The following FHIT variants were observed in gnomAD, a reference collection of about 807,000 sequenced individuals.
FHIT encodes the protein bis(5'-adenosyl)-triphosphatase.
FHIT carries 19 observed loss-of-function variants against 17.9 expected under a neutral mutation model. The observed-to-expected ratio is 1.06, with a 90% CI of 0.74 to 1.56. The LOEUF (loss-of-function observed/expected upper bound fraction) is 1.56. FHIT is among the 40% of genes most tolerant of loss of function. The probability of loss-of-function intolerance (pLI) is 0.00; values close to 1 mark genes in which losing one functional copy is unlikely to be tolerated. For synonymous variants in FHIT, 81 were observed against 69.7 expected (o/e 1.16, Z -0.81); for missense variants, 248 against 189.2 (o/e 1.31, Z -1.82).
chr3:61,069,822 G>T (rs976908646), intron 2 of FHIT, among the ~76,000 whole-genome samples: 1 of 152,188 alleles, frequency 6.6e-6, no homozygotes, highest in Non-Finnish European at 1.5e-5. Flanking sequence ...AAGATTGCAG[G>T]AGAATCAAGC....
chr3:59,927,463 T>TAAAAAA lies in FHIT; in HGVS notation c.280-5055_280-5050dup, dbSNP rs58083993. Among the ~76,000 whole-genome samples, 771 of 130,210 alleles carry TAAAAAA rather than the reference T, an allele frequency of 5.9e-3. 9 individuals carry two copies. The highest frequency in any genetic ancestry group is 0.015 in the South Asian group (62 of 4,190). 85.4% of individuals were successfully genotyped at this position (130,210 alleles called of 152,430 possible). ...ATTATATCTCAATAAAGCTATTACT[T>TAAAAAA]AAAAAAAAAAAAAAAAACTGAAGGC... is the stretch of plus-strand genomic sequence containing the variant. On this transcript the variant is annotated intron_variant, in intron 7 of 9. Coordinates refer to ENST00000492590, the MANE Select transcript of FHIT (RefSeq NM_002012.4).
intron 8 of FHIT, among the ~76,000 whole-genome samples, chr3:59,765,875 T>C (rs1381068856): frequency 6.6e-6 from 1 of 152,178 alleles, no homozygotes; most frequent in Non-Finnish European, 1.5e-5. Flanking sequence ...GTTCACATAA[T>C]TAAATACCAT....
At chr3:60,348,268 G>A (rs973523688) in intron 5 of FHIT, among the ~76,000 whole-genome samples, 2 of 152,166 alleles carry the variant, frequency 1.3e-5, no homozygotes, top group Non-Finnish European at 2.9e-5. Context: ...AGATTAGGTT[G>A]TTAATTATTG....
chr3:60,226,487 A>AAAAAAAAAAAAC (rs1559742962), intron 5 of FHIT, among the ~76,000 whole-genome samples: 15 of 150,696 alleles, frequency 1.0e-4, no homozygotes, highest in African/African-American at 3.5e-4. Context: ...AAAAAAAAAA[A>AAAAAAAAAAAAC]AAAAAAACAC....
At chr3:59,871,092 T>C (rs1447200965) in intron 8 of FHIT, among the ~76,000 whole-genome samples, 1 of 152,198 alleles carries the variant, frequency 6.6e-6, no homozygotes, top group Non-Finnish European at 1.5e-5. Context: ...TATCCAAGAC[T>C]GACAACTTGC....
At chr3:60,765,262 T>C (rs1699811050) in intron 4 of FHIT, among the ~76,000 whole-genome samples, 2 of 152,328 alleles carry the variant, frequency 1.3e-5, no homozygotes, top group South Asian at 4.1e-4. Context: ...CAAGTGTCTT[T>C]CTACTACATT....
intron 5 of FHIT, among the ~76,000 whole-genome samples, chr3:60,503,584 G>C (rs2034608638): frequency 6.6e-6 from 1 of 152,044 alleles, no homozygotes; most frequent in South Asian, 2.1e-4. Context: ...AATAGTGAAA[G>C]TTATGAAACA....
intron 5 of FHIT, among the ~76,000 whole-genome samples, chr3:60,068,178 T>C (rs1027898421): frequency 6.6e-6 from 1 of 152,116 alleles, no homozygotes; most frequent in Non-Finnish European, 1.5e-5. Flanking sequence ...GAGGTTGCAG[T>C]GAGCTGAGAT....
At chr3:60,210,349 G>A (rs1703391615) in intron 5 of FHIT, among the ~76,000 whole-genome samples, 1 of 151,868 alleles carries the variant, frequency 6.6e-6, no homozygotes, top group Non-Finnish European at 1.5e-5. Context: ...TTAAGGACTA[G>A]AAAAAAACAT....
At chr3:61,014,451 C>T (rs1372621379) in intron 3 of FHIT, among the ~76,000 whole-genome samples, 2 of 151,902 alleles carry the variant, frequency 1.3e-5, no homozygotes, top group Non-Finnish European at 2.9e-5. Context: ...TCTGTATTTT[C>T]ATGACTTCAC....
chr3:59,959,336 T>C (rs1345030180), intron 7 of FHIT, among the ~76,000 whole-genome samples: 1 of 152,234 alleles, frequency 6.6e-6, no homozygotes, highest in African/African-American at 2.4e-5. Context: ...GTGTTTCATT[T>C]AACCCCTTCC....
intron 3 of FHIT, among the ~76,000 whole-genome samples, chr3:60,834,370 C>G (rs936239960): frequency 1.3e-5 from 2 of 152,132 alleles, no homozygotes; most frequent in African/African-American, 4.8e-5. Flanking sequence ...TGTTGAACAT[C>G]TTTTCATGTG....
intron 8 of FHIT, among the ~76,000 whole-genome samples, chr3:59,783,384 G>A (rs1409667464): frequency 3.3e-5 from 5 of 152,110 alleles, no homozygotes; most frequent in Admixed American, 6.5e-5. Context: ...CAGGAGAATC[G>A]CTTGAACTCC....
Position 59,826,102 on chromosome 3 carries a change from C to G in FHIT, c.349-73781G>C, listed in dbSNP as rs558493427. Among the ~76,000 whole-genome samples, 18 of 152,148 alleles carry G rather than the reference C, an allele frequency of 1.2e-4. No individual in the cohort carries two copies. The East Asian group carries it at 2.1e-3, about 18-fold the overall frequency. ...AGTATGGTTCCCTATCTGCATTATT[C>G]TCTCCTACTCTGATCATCTTATTTA... On this transcript the variant is annotated intron_variant, in intron 8 of 9. Transcript: ENST00000492590.
At chr3:59,972,075 A>G (rs986247394) in intron 7 of FHIT, among the ~76,000 whole-genome samples, 1 of 152,112 alleles carries the variant, frequency 6.6e-6, no homozygotes, top group Non-Finnish European at 1.5e-5. Context: ...AGAACTACAC[A>G]TATGAGATGC....
At chr3:60,091,884 T>C (rs1041075591) in intron 5 of FHIT, among the ~76,000 whole-genome samples, 12 of 152,114 alleles carry the variant, frequency 7.9e-5, no homozygotes, top group African/African-American at 1.2e-4. Context: ...CATACAGAAC[T>C]GTGAGCCAAT....
intron 5 of FHIT, among the ~76,000 whole-genome samples, chr3:60,389,812 G>A (rs1701151443): frequency 6.6e-6 from 1 of 152,066 alleles, no homozygotes; most frequent in Non-Finnish European, 1.5e-5. Context: ...AACATTTTGT[G>A]TTTGACTAAC....
intron 5 of FHIT, among the ~76,000 whole-genome samples, chr3:60,189,093 C>T (rs1031434797): frequency 6.6e-6 from 1 of 151,898 alleles, no homozygotes; most frequent in African/African-American, 2.4e-5. Context: ...CCCCTGCCTA[C>T]AAAATTGCAG....
intron 3 of FHIT, among the ~76,000 whole-genome samples, chr3:60,824,594 T>C (rs574614482): frequency 6.6e-6 from 1 of 152,316 alleles, no homozygotes; most frequent in African/African-American, 2.4e-5. Context: ...ACCTCACTGA[T>C]ATGGTTTGGC....
Sources: gnomAD v4.1 joint callset for allele counts (sites outside exome capture counted in the v4.1 genomes callset) on GRCh38, gnomAD v4.1.1 for gene constraint, MANE v1.5 for transcripts, NCBI Gene and HGNC (gene_info 2026-07-23, HGNC 2026-07-21) for gene names.